Variants in RRM2B observed in about 807,000 individuals in gnomAD.
RRM2B encodes ribonucleoside-diphosphate reductase subunit M2 B.
Under a neutral mutation model 45.9 loss-of-function variants are expected in RRM2B, and 20 were observed. The ratio of observed to expected loss-of-function variants is 0.44; its 90% CI spans 0.31 to 0.63. RRM2B has a LOEUF of 0.63. Ranked by LOEUF, RRM2B falls within the 30% of genes least tolerant of loss-of-function variation. The pLI is 0.09. For synonymous variants in RRM2B, 124 were observed against 132.3 expected (o/e 0.94, Z 0.43); for missense variants, 320 against 414.7 (o/e 0.77, Z 1.98).
At chr8:102,219,141 T>C in intron 5 of RRM2B, 194 bp from the exon 6 acceptor site, 1 of 600,862 alleles carries the variant, frequency 1.7e-6, no homozygotes, top group Non-Finnish European at 2.9e-6. Flanking sequence ...GTATGCCTCC[T>C]TCAAATCCTC....
At chr8:102,214,538 A>T (rs1344801460) in intron 6 of RRM2B, among the ~76,000 whole-genome samples, 1 of 152,020 alleles carries the variant, frequency 6.6e-6, no homozygotes, top group Non-Finnish European at 1.5e-5. Flanking sequence ...TAGTATTTAA[A>T]TAACAGATGA....
At chr8:102,214,407 T>C (rs1030477807) in intron 6 of RRM2B, 1 of 454,564 alleles carries the variant, frequency 2.2e-6, no homozygotes, top group African/African-American at 2.0e-5. Context: ...AATTAATTTA[T>C]GAACAAACAA....
In RRM2B at chr8:102,238,611, C is replaced by CG. The variant is rs5893603; in HGVS notation, c.48+215dup. 113,824 of 1,530,016 alleles carry CG rather than the reference C, an allele frequency of 0.074. 4,585 individuals are homozygous for CG. Among genetic ancestry groups the CG allele is most frequent in the Middle Eastern group, 0.091 (538 of 5,936 alleles). 94.8% of individuals were successfully genotyped at this position (1,530,016 alleles called of 1,614,324 possible). On this transcript the variant is annotated intron_variant, in intron 1 of 8. Coordinates refer to ENST00000251810, the MANE Select transcript of RRM2B (RefSeq NM_015713.5). ...CTTGGCTGGCCCCGGGGCAGAGCAG[C>CG]GAGCGGGACGCAAACCCAAAGTCAG...
At position 102,206,258 on chromosome 8, in the gene RRM2B, A is replaced by G. The variant is rs1810543114; in HGVS notation, c.*1875T>C. 1 of 152,120 alleles carries G rather than the reference A, an allele frequency of 6.6e-6. No homozygotes were observed. The highest frequency in any genetic ancestry group is 2.4e-5 in the African/African-American group (1 of 41,458). The allele number at this position is 152,120 out of a possible 1,614,324, so 9.4% of individuals were successfully genotyped here. A position where few individuals can be genotyped will look rare whatever the true frequency, so the allele number is the denominator to read the frequency against. On this transcript the variant is annotated 3_prime_UTR_variant, in exon 9 of 9. Transcript: ENST00000251810. The stretch of plus-strand genomic sequence containing the variant: ...ACCTCTAAAAAAAAATACTGTACAG[A>G]CAGTGACGATGAGCAGATCTTGGCC...
intron 5 of RRM2B, among the ~76,000 whole-genome samples, chr8:102,222,267 G>A (rs1274438690): frequency 1.3e-5 from 2 of 152,014 alleles, no homozygotes; most frequent in South Asian, 2.1e-4. Flanking sequence ...GTAGAGATGG[G>A]GGCCTTGCTT....
chr8:102,207,895 C>A lies in RRM2B; in HGVS notation c.*238G>T. ...CTCATGTCTGACCCCTCGCCCCATG[C>A]TCTTAACCACATAATGCCATCTTTT... On this transcript the variant is annotated 3_prime_UTR_variant, in exon 9 of 9. Transcript: ENST00000251810. 2.2e-6 allele frequency: 1 copy of A among 452,494 alleles called. No individual in the cohort carries two copies. 28.0% of individuals were successfully genotyped at this position (452,494 alleles called of 1,614,324 possible). A position where few individuals can be genotyped will look rare whatever the true frequency, so the allele number is the denominator to read the frequency against.
At chr8:102,217,352 AT>A (rs1810748027) in intron 6 of RRM2B, among the ~76,000 whole-genome samples, 1 of 152,122 alleles carries the variant, frequency 6.6e-6, no homozygotes, top group East Asian at 1.9e-4. Flanking sequence ...GTTGAGATTA[AT>A]TTTTTATTCT....
chr8:102,222,557 A>G (rs1314775707), intron 5 of RRM2B, among the ~76,000 whole-genome samples: 1 of 152,194 alleles, frequency 6.6e-6, no homozygotes, highest in Non-Finnish European at 1.5e-5. Flanking sequence ...TCATAATAAC[A>G]TTAAGGCATT....
chr8:102,213,465 T>A (rs1333628836), intron 7 of RRM2B, among the ~76,000 whole-genome samples: 1 of 152,218 alleles, frequency 6.6e-6, no homozygotes, highest in African/African-American at 2.4e-5. Flanking sequence ...GTACCTGTTA[T>A]GCCTTTTTCC....
At chr8:102,227,978 T>C (rs889746150) in intron 2 of RRM2B, among the ~76,000 whole-genome samples, 1 of 151,772 alleles carries the variant, frequency 6.6e-6, no homozygotes, top group African/African-American at 2.4e-5. Flanking sequence ...GGCAGGGAAA[T>C]TCTGGGCAGA....
At position 102,208,289 on chromosome 8, in the gene RRM2B, AAAAGG is replaced by A. The variant is rs1450246634; in HGVS notation, c.904-9_904-5del. 6.6e-7 allele frequency: 1 copy of A among 1,525,446 alleles called. No individual in the cohort carries two copies. The highest frequency in any genetic ancestry group is 9.1e-7 in the Non-Finnish European group (1 of 1,100,530). The allele number at this position is 1,525,446 out of a possible 1,614,324, so 94.5% of individuals were successfully genotyped here. A position where few individuals can be genotyped will look rare whatever the true frequency, so the allele number is the denominator to read the frequency against. On this transcript the variant is annotated splice_region_variant and splice_polypyrimidine_tract_variant and intron_variant, in intron 8 of 8. Coordinates refer to ENST00000251810, the MANE Select transcript of RRM2B (RefSeq NM_015713.5). ...AAGGATTTTCTGCCTGAAAAACCTA[AAAAGG>A]AAAGAAATATTATTAGACATTCTGA...
At chr8:102,213,242 T>C (rs1810665852) in intron 7 of RRM2B, among the ~76,000 whole-genome samples, 1 of 151,914 alleles carries the variant, frequency 6.6e-6, no homozygotes, top group African/African-American at 2.4e-5. Context: ...ATGATCATCA[T>C]GAAGAACATG....
chr8:102,233,851 A>G (rs1015757870), intron 1 of RRM2B, among the ~76,000 whole-genome samples: 7 of 152,148 alleles, frequency 4.6e-5, no homozygotes, highest in Non-Finnish European at 7.3e-5. Flanking sequence ...TTGCTCCGTC[A>G]CCCAGGCTAG....
intron 5 of RRM2B, 110 bp downstream of exon 5, chr8:102,223,936 T>C (rs1810878964): frequency 1.2e-6 from 1 of 809,978 alleles, no homozygotes; most frequent in African/African-American, 1.7e-5. Context: ...GAGACATTTG[T>C]ACTCCTTTTC....
At chr8:102,235,668 G>A (rs1173633669) in intron 1 of RRM2B, among the ~76,000 whole-genome samples, 2 of 152,018 alleles carry the variant, frequency 1.3e-5, no homozygotes, top group Admixed American at 1.3e-4. Context: ...GTGAAACCCC[G>A]TCTCTACTAA....
At chr8:102,228,989 C>T (rs989582210) in intron 2 of RRM2B, among the ~76,000 whole-genome samples, 1 of 152,254 alleles carries the variant, frequency 6.6e-6, no homozygotes, top group East Asian at 1.9e-4. Flanking sequence ...GGCACGGTAG[C>T]TCACGCCTGT....
At chr8:102,216,555 T>C (rs923633418) in intron 6 of RRM2B, among the ~76,000 whole-genome samples, 1 of 152,186 alleles carries the variant, frequency 6.6e-6, no homozygotes, top group Non-Finnish European at 1.5e-5. Context: ...TCAGTCACTG[T>C]ACATTGGGAA....
chr8:102,221,627 C>T lies in RRM2B; in HGVS notation c.550+2419G>A, dbSNP rs28928582. On this transcript the variant is annotated intron_variant, in intron 5 of 8. Coordinates refer to ENST00000251810, the MANE Select transcript of RRM2B (RefSeq NM_015713.5). ...CCCCTCCACAATTTTAGAACATGTT[C>T]TTTCCTCTGAGACCCTATATTAGAA... Among the ~76,000 whole-genome samples the T allele has an allele frequency of 9.7e-4, 147 of 152,316 alleles. 2 individuals are homozygous for T. The East Asian group carries it at 0.026, about 27-fold the overall frequency.
chr8:102,229,307 C>T (rs1007556811), intron 2 of RRM2B, among the ~76,000 whole-genome samples: 4 of 152,052 alleles, frequency 2.6e-5, no homozygotes, highest in African/African-American at 4.8e-5. Flanking sequence ...CCTCAAGCCT[C>T]AATCTCTTTG....
Sources: allele counts gnomAD v4.1 joint callset (sites outside exome capture counted in the v4.1 genomes callset), GRCh38; gene constraint gnomAD v4.1.1; transcripts MANE v1.5; gene names NCBI Gene and HGNC (gene_info 2026-07-23, HGNC 2026-07-21).